Variants in FSIP2 observed in about 807,000 individuals in gnomAD.
The protein encoded by FSIP2 is fibrous sheath interacting protein 2, also known as fibrous sheath-interacting protein 2.
A neutral mutation model predicts 510.5 loss-of-function variants in FSIP2; 367 were observed. That is an observed-to-expected ratio of 0.72 (90% CI 0.66 to 0.78). The LOEUF (loss-of-function observed/expected upper bound fraction) is 0.78, where lower values mean the gene tolerates loss of function less well. FSIP2 is among the 30% of genes least tolerant of loss of function. FSIP2 has a pLI of 0.00. For missense variants in FSIP2, 7,594 were observed against 7,901.7 expected, an observed-to-expected ratio of 0.96 and a Z score of 1.48; for synonymous variants, 2,601 against 2,732.2, an observed-to-expected ratio of 0.95 and a Z score of 1.50.
upstream of FSIP2, among the ~76,000 whole-genome samples, chr2:185,738,415 T>C (rs1691830281): frequency 6.6e-6 from 1 of 152,054 alleles, no homozygotes; most frequent in Admixed American, 6.6e-5. Flanking sequence ...GCGTCTGCCT[T>C]GTGGACCTGG....
Position 185,805,029 on chromosome 2 carries a change from T to C in FSIP2, c.15723T>C (p.His5241=), listed in dbSNP as rs984084740. 3 of 1,595,474 alleles carry C rather than the reference T, an allele frequency of 1.9e-6. No homozygotes were observed. In the South Asian group the frequency reaches 3.4e-5, roughly 18 times the overall value. The change falls in exon 17 of 23, where the codon CAT becomes CAC. Residue 5241 remains histidine (H), a synonymous_variant. Coordinates refer to ENST00000424728, the MANE Select transcript of FSIP2 (RefSeq NM_173651.4). ...IMYHHLQPFL[H]GEESSFSDLS... ...ATCATCATTTACAGCCATTTTTACATGGTGAAGAATCATCTTTCAGTGACT... is the reference window on the plus strand; with the variant it reads ...ATCATCATTTACAGCCATTTTTACACGGTGAAGAATCATCTTTCAGTGACT...
At chr2:185,744,962 A>C (rs950742450) in intron 4 of FSIP2, 2 of 113,140 alleles carry the variant, frequency 1.8e-5, no homozygotes, top group Admixed American at 1.8e-4. Context: ...TTTGACTTAA[A>C]GGTGTGTGTG....
chr2:185,792,865 A>G lies in FSIP2; in HGVS notation c.5729A>G (p.Lys1910Arg). 1 of 1,534,366 alleles carries G rather than the reference A, an allele frequency of 6.5e-7. No individual in the cohort carries two copies. The highest frequency in any genetic ancestry group is 2.4e-5 in the East Asian group (1 of 40,844). The change falls in exon 16 of 23, where the codon AAG (lysine) becomes AGG (arginine). Residue 1910 changes from lysine to arginine, a missense_variant. Coordinates refer to ENST00000424728, the MANE Select transcript of FSIP2 (RefSeq NM_173651.4). ...CAGTCTAGATTCAGCGTTGCTGACA[A>G]GGAGACAAAGGTAAATCTAGCTGAA... ...TFQSRFSVAD[K>R]ETKVNLAEDI...
In FSIP2 at chr2:185,782,831, G is replaced by A. The variant is rs1574175426; in HGVS notation, c.1469+69G>A. 7.4e-6 allele frequency: 6 copies of A among 812,836 alleles called. 1 individual carries two copies. In the South Asian group the frequency reaches 9.0e-5, roughly 12 times the overall value. 50.4% of individuals were successfully genotyped at this position (812,836 alleles called of 1,614,324 possible). A position where few individuals can be genotyped will look rare whatever the true frequency, so the allele number is the denominator to read the frequency against. On this transcript the variant is annotated intron_variant, in intron 14 of 22. Transcript: ENST00000424728. ...GATTACATAAGAGTGCTGCTCATAA[G>A]CAAATGATTCCATGGAATCCTCCAT...
chr2:185,792,530 T>C lies in FSIP2; in HGVS notation c.5394T>C (p.Asn1798=), dbSNP rs147739514. 3 of 1,529,762 alleles carry C rather than the reference T, an allele frequency of 2.0e-6. No homozygotes were observed. The African/African-American group carries it at 4.1e-5, about 21-fold the overall frequency. The allele number at this position is 1,529,762 out of a possible 1,614,324, so 94.8% of individuals were successfully genotyped here. ...AAAGTACTTTAATCAATCAATTAAA[T>C]GTCCTTTCTCTCTCCCACTCTAATT... ...IFQSTLINQL[N]VLSLSHSNFN... is the part of the protein sequence containing the mutation. The change falls in exon 16 of 23, where the codon AAT becomes AAC. Residue 1798 remains asparagine (N), a synonymous_variant. Coordinates refer to ENST00000424728, the MANE Select transcript of FSIP2 (RefSeq NM_173651.4).
rs1197675546 is a variant in FSIP2 at position 185,805,883 on chromosome 2, G to A, written c.16577G>A (p.Gly5526Glu). Residue 5526 changes from glycine to glutamate, a missense_variant, in exon 17 of 23, where the codon GGA (glycine) becomes GAA (glutamate). Coordinates refer to ENST00000424728, the MANE Select transcript of FSIP2 (RefSeq NM_173651.4). ...NKKEVDENKV[G>E]ICTQKHSENV... is the part of the protein sequence containing the mutation. ...AAGGAAGTGGATGAAAATAAAGTGG[G>A]AATTTGTACTCAAAAACATAGTGAG... 6.2e-7 allele frequency: 1 copy of A among 1,608,444 alleles called. No homozygotes were observed. The highest frequency in any genetic ancestry group is 1.7e-5 in the Admixed American group (1 of 59,160).
At chr2:185,780,589 T>TAA (rs1692828011) in intron 13 of FSIP2, among the ~76,000 whole-genome samples, 1 of 152,034 alleles carries the variant, frequency 6.6e-6, no homozygotes, top group East Asian at 1.9e-4. Flanking sequence ...TTTAAACATA[T>TAA]AAAGTCCTCT....
chr2:185,830,905 T>C (rs1455022013), intron 21 of FSIP2, among the ~76,000 whole-genome samples: 1 of 151,902 alleles, frequency 6.6e-6, no homozygotes, highest in African/African-American at 2.4e-5. Flanking sequence ...TCCATACTTT[T>C]AAAAAAAGTT....
intron 12 of FSIP2, 123 bp from the exon 13 acceptor site, chr2:185,764,379 C>A: frequency 1.9e-6 from 1 of 528,438 alleles, no homozygotes. Context: ...TATAAATTGA[C>A]ATTAAAGAGA....
At chr2:185,738,566 C>CA (rs1243433462), upstream of FSIP2, 12 of 1,519,978 alleles carry the variant, frequency 7.9e-6, no homozygotes, top group African/African-American at 2.8e-5. Context: ...AACCAGTTAC[C>CA]CACCAACAAA....
intron 19 of FSIP2, among the ~76,000 whole-genome samples, chr2:185,818,268 GC>G (rs1693858855): frequency 6.6e-6 from 1 of 151,758 alleles, no homozygotes; most frequent in Non-Finnish European, 1.5e-5. Context: ...ATTTGAAGTT[GC>G]CAAGTCTAAA....
intron 13 of FSIP2, among the ~76,000 whole-genome samples, chr2:185,777,335 T>G (rs1453681897): frequency 6.6e-6 from 1 of 151,894 alleles, no homozygotes; most frequent in Non-Finnish European, 1.5e-5. Flanking sequence ...AAAAATCAAA[T>G]TATATCTTCT....
At chr2:185,775,278 C>T (rs1692694127) in intron 13 of FSIP2, among the ~76,000 whole-genome samples, 1 of 150,256 alleles carries the variant, frequency 6.7e-6, no homozygotes, top group Non-Finnish European at 1.5e-5. Flanking sequence ...GCCATTCTAA[C>T]TGGGGTGAGA....
At chr2:185,828,009 C>G (rs1242177546) in intron 20 of FSIP2, 147 bp from the exon 21 acceptor site, 1 of 558,850 alleles carries the variant, frequency 1.8e-6, no homozygotes, top group Non-Finnish European at 3.2e-6. Flanking sequence ...TTCCCAATTG[C>G]TTATACATTT....
intron 19 of FSIP2, among the ~76,000 whole-genome samples, 154 bp from the exon 20 acceptor site, chr2:185,824,280 A>G (rs1693975710): frequency 6.6e-6 from 1 of 151,898 alleles, no homozygotes; most frequent in Non-Finnish European, 1.5e-5. Context: ...GAAAAAGTCA[A>G]TCAGAAATCA....
intron 13 of FSIP2, among the ~76,000 whole-genome samples, chr2:185,769,100 T>A (rs1209080348): frequency 1.3e-5 from 2 of 152,194 alleles, no homozygotes; most frequent in Non-Finnish European, 2.9e-5. Flanking sequence ...AACATACACA[T>A]GCGTGTGTCT....
At chr2:185,768,509 G>GA (rs1692542139) in intron 13 of FSIP2, among the ~76,000 whole-genome samples, 1 of 151,856 alleles carries the variant, frequency 6.6e-6, no homozygotes, top group South Asian at 2.1e-4. Context: ...AACATTTATT[G>GA]AAAAAATTAT....
At position 185,747,537 on chromosome 2, in the gene FSIP2, A is replaced by T. The variant is rs1008433594; in HGVS notation, c.870+114A>T. On this transcript the variant is annotated intron_variant, in intron 7 of 22. Transcript: ENST00000424728. ...CTGTTGCCCAGTTACTCCAAATGAT[A>T]TGCATGATATAAAACTGCAAGTTAT... 3.3e-5 allele frequency: 19 copies of T among 571,544 alleles called. No individual in the cohort carries two copies. The African/African-American group carries it at 3.5e-4, about 11-fold the overall frequency. 35.4% of individuals were successfully genotyped at this position (571,544 alleles called of 1,614,324 possible).
At chr2:185,818,240 T>G (rs1328752722) in intron 19 of FSIP2, among the ~76,000 whole-genome samples, 5 of 151,722 alleles carry the variant, frequency 3.3e-5, no homozygotes, top group Admixed American at 2.0e-4. Flanking sequence ...AAACAATCAG[T>G]GAACTTGAAT....
Sources: gnomAD v4.1 joint callset for allele counts (sites outside exome capture counted in the v4.1 genomes callset) on GRCh38, gnomAD v4.1.1 for gene constraint, MANE v1.5 for transcripts, NCBI Gene and HGNC (gene_info 2026-07-23, HGNC 2026-07-21) for gene names.